Variants in FLRT2 observed in about 807,000 individuals in gnomAD.
The protein encoded by FLRT2 is leucine-rich repeat transmembrane protein FLRT2.
Under a neutral mutation model 40.0 loss-of-function variants are expected in FLRT2, and 15 were observed. The ratio of observed to expected loss-of-function variants is 0.38; its 90% confidence interval spans 0.25 to 0.58. The LOEUF (loss-of-function observed/expected upper bound fraction) is 0.58, where lower values mean the gene tolerates loss of function less well. FLRT2 is among the 20% of genes least tolerant of loss of function. FLRT2 has a pLI of 0.71. For missense variants in FLRT2, 726 were observed against 840.0 expected (o/e 0.86, Z 1.68); for synonymous variants, 380 against 336.8 (o/e 1.13, Z -1.41).
At chr14:85,601,166 T>C (rs933992688) in intron 1 of FLRT2, among the ~76,000 whole-genome samples, 4 of 151,964 alleles carry the variant, frequency 2.6e-5, no homozygotes, top group Admixed American at 2.6e-4. Context: ...TGAAGTGCTG[T>C]AGGTAGTGTA....
At chr14:85,584,423 T>C (rs1381374159) in intron 1 of FLRT2, among the ~76,000 whole-genome samples, 2 of 152,216 alleles carry the variant, frequency 1.3e-5, no homozygotes, top group Non-Finnish European at 2.9e-5. Flanking sequence ...TTATGCTGTG[T>C]CTTAATTCTG....
In FLRT2 at chr14:85,623,144, G is replaced by T. The variant is rs377432349; in HGVS notation, c.1630G>T (p.Ala544Ser). The stretch of plus-strand genomic sequence containing the variant: ...CAGCATGGGCTCCCCCTTTCTGCTG[G>T]CGGGCTTGATCGGGGGCGCGGTGAT... ...SHSMGSPFLLAGLIGGAVIFV... is the reference protein window; with the variant it reads ...SHSMGSPFLLSGLIGGAVIFV... The change falls in exon 2 of 2, where the codon GCG becomes TCG. Residue 544 changes from alanine (A) to serine (S), a missense_variant. By Grantham distance (99) the Ala-to-Ser change is moderately conservative. Around this residue, in one of 3 missense-constraint regions of FLRT2, gnomAD observed 611 missense variants for 690.0 expected, o/e 0.89. Coordinates refer to ENST00000330753, the MANE Select transcript of FLRT2 (RefSeq NM_013231.6). 5 of 1,598,480 alleles carry T rather than the reference G, an allele frequency of 3.1e-6. No homozygotes were observed. In the African/African-American group the frequency reaches 5.4e-5, roughly 17 times the overall value.
intron 1 of FLRT2, among the ~76,000 whole-genome samples, chr14:85,558,133 C>T (rs1370593834): frequency 6.6e-6 from 1 of 152,088 alleles, no homozygotes; most frequent in Non-Finnish European, 1.5e-5. Context: ...TGAAGCCCTC[C>T]ATGTATTCTG....
At chr14:85,586,725 T>G (rs1004647998) in intron 1 of FLRT2, among the ~76,000 whole-genome samples, 1 of 152,012 alleles carries the variant, frequency 6.6e-6, no homozygotes, top group Non-Finnish European at 1.5e-5. Context: ...TATCTCAAAG[T>G]AAAAAGGAAA....
At chr14:85,554,159 A>G (rs1889811095) in intron 1 of FLRT2, among the ~76,000 whole-genome samples, 2 of 152,334 alleles carry the variant, frequency 1.3e-5, no homozygotes, top group South Asian at 4.1e-4. Context: ...ACCCGTATTT[A>G]AGTTAAAAAA....
Position 85,631,112 on chromosome 14 carries a change from T to TATATATATATATATATATATATATATA in FLRT2, c.*7615_*7616insATATATATATATATATATATATATATA, listed in dbSNP as rs1893858889. 2.8e-3 allele frequency: 260 copies of TATATATATATATATATATATATATATA among 91,796 alleles called. 3 individuals are homozygous for TATATATATATATATATATATATATATA. Among genetic ancestry groups the TATATATATATATATATATATATATATA allele is most frequent in the Non-Finnish European group, 4.2e-3 (224 of 52,962 alleles). 5.7% of individuals were successfully genotyped at this position (91,796 alleles called of 1,614,324 possible). On this transcript the variant is annotated 3_prime_UTR_variant, in exon 2 of 2. Transcript: ENST00000330753. ...TATAATTACATATATAATCTAGATT[T>TATATATATATATATATATATATATATA]TATATATATATATATATGAAATGAG...
chr14:85,599,944 A>AGT (rs1388580917), intron 1 of FLRT2, among the ~76,000 whole-genome samples: 3 of 151,784 alleles, frequency 2.0e-5, no homozygotes, highest in Non-Finnish European at 4.4e-5. Context: ...TAGAAATAAA[A>AGT]GTTGTTAATA....
chr14:85,588,961 T>A (rs999980842), intron 1 of FLRT2, among the ~76,000 whole-genome samples: 4 of 152,222 alleles, frequency 2.6e-5, no homozygotes, highest in Admixed American at 2.0e-4. Flanking sequence ...TCATTCTTTT[T>A]TGTGGCTGAA....
chr14:85,578,959 G>C (rs1891261484), intron 1 of FLRT2, among the ~76,000 whole-genome samples: 1 of 152,200 alleles, frequency 6.6e-6, no homozygotes, highest in Non-Finnish European at 1.5e-5. Context: ...ATCTCTCCCA[G>C]TTGGAGTCTC....
rs1244527332 is a variant in FLRT2, at chr14:85,639,881, C to T, written c.*16384C>T. 2.3e-5 allele frequency: 3 copies of T among 131,674 alleles called. No individual in the cohort carries two copies. Among genetic ancestry groups the T allele is most frequent in the Admixed American group, 8.6e-5 (1 of 11,568 alleles). 8.2% of individuals were successfully genotyped at this position (131,674 alleles called of 1,614,324 possible). On this transcript the variant is annotated 3_prime_UTR_variant, in exon 2 of 2. Coordinates refer to ENST00000330753, the MANE Select transcript of FLRT2 (RefSeq NM_013231.6). ...TTTTTTTTTTTGAGACAGTGTCTCGCTCTGTCCCCCAGGCCAGAGTGCAGC... is the reference window on the plus strand; with the variant it reads ...TTTTTTTTTTTGAGACAGTGTCTCGTTCTGTCCCCCAGGCCAGAGTGCAGC...
In FLRT2 at chr14:85,551,167, C is replaced by T. The variant is rs575804111; in HGVS notation, c.-377+20633C>T. On this transcript the variant is annotated intron_variant, in intron 1 of 1. Transcript: ENST00000330753. Reference sequence around the variant, plus strand: ...AGCTTAGAAGTGATTCTGATTCCACCTGTTTACCAGAACTCCTAAAGAGAA... The same window carrying T: ...AGCTTAGAAGTGATTCTGATTCCACTTGTTTACCAGAACTCCTAAAGAGAA... 5.3e-4 allele frequency among the ~76,000 whole-genome samples: 81 copies of T among 152,266 alleles called. 1 individual carries two copies. Among genetic ancestry groups the T allele is most frequent in the Non-Finnish European group, 8.7e-4 (59 of 68,020 alleles).
At chr14:85,579,115 C>A (rs1180647687) in intron 1 of FLRT2, among the ~76,000 whole-genome samples, 1 of 152,120 alleles carries the variant, frequency 6.6e-6, no homozygotes, top group Non-Finnish European at 1.5e-5. Context: ...TTTCTGCCAG[C>A]CCTGTTGGAC....
At chr14:85,612,553 G>A (rs1892936303) in intron 1 of FLRT2, among the ~76,000 whole-genome samples, 1 of 152,110 alleles carries the variant, frequency 6.6e-6, no homozygotes, top group Non-Finnish European at 1.5e-5. Context: ...CTTGGGGTGG[G>A]TTGGGGGGAA....
rs1894070946 is a variant in FLRT2 at position 85,638,698 on chromosome 14, T to C, written c.*15201T>C. 2.0e-5 allele frequency: 3 copies of C among 152,194 alleles called. No homozygotes were observed. The South Asian group carries it at 6.2e-4, about 32-fold the overall frequency. 9.4% of individuals were successfully genotyped at this position (152,194 alleles called of 1,614,324 possible). On this transcript the variant is annotated 3_prime_UTR_variant, in exon 2 of 2. Coordinates refer to ENST00000330753, the MANE Select transcript of FLRT2 (RefSeq NM_013231.6). Reference sequence around the variant, plus strand: ...GGGCCCAAGGGATTTCTTTACTTATTGAGCAGAGCGAAGTAACATTAATTT... The same window carrying C: ...GGGCCCAAGGGATTTCTTTACTTATCGAGCAGAGCGAAGTAACATTAATTT...
At position 85,649,691 on chromosome 14, in the gene FLRT2, A is replaced by G. The variant is rs944152702; in HGVS notation, c.*26194A>G. 17 of 152,216 alleles carry G rather than the reference A, an allele frequency of 1.1e-4. No individual in the cohort carries two copies. Among genetic ancestry groups the G allele is most frequent in the African/African-American group, 3.9e-4 (16 of 41,558 alleles). 9.4% of individuals were successfully genotyped at this position (152,216 alleles called of 1,614,324 possible). A position where few individuals can be genotyped will look rare whatever the true frequency, so the allele number is the denominator to read the frequency against. On this transcript the variant is annotated 3_prime_UTR_variant, in exon 2 of 2. Transcript: ENST00000330753. ...TGTGATACTATCCACACTTTTCCTC[A>G]CTATAAAATTTAATGAACCTTATAT... is the stretch of plus-strand genomic sequence containing the variant.
In FLRT2 at chr14:85,629,752, T is replaced by A. The variant is rs1359848321; in HGVS notation, c.*6255T>A. ...CTTCAGATTTTTCATGATGGAGCTA[T>A]CATAACTTCTCAGTGGATACATATA... On this transcript the variant is annotated 3_prime_UTR_variant, in exon 2 of 2. Transcript: ENST00000330753. 6.6e-5 allele frequency: 10 copies of A among 152,204 alleles called. No individual in the cohort carries two copies. The highest frequency in any genetic ancestry group is 2.4e-4 in the African/African-American group (10 of 41,446). The allele number at this position is 152,204 out of a possible 1,614,324, so 9.4% of individuals were successfully genotyped here.
intron 1 of FLRT2, among the ~76,000 whole-genome samples, chr14:85,576,274 T>A (rs1331856225): frequency 6.6e-6 from 1 of 152,222 alleles, no homozygotes; most frequent in Non-Finnish European, 1.5e-5. Flanking sequence ...TACTTTTTTT[T>A]GTTTTTCTTT....
In FLRT2 at chr14:85,538,117, T is replaced by C. The variant is rs138243748; in HGVS notation, c.-377+7583T>C. The stretch of plus-strand genomic sequence containing the variant: ...AGTGAATTGGAACTCCGTTATTTAT[T>C]TATTTTTCAAATACCACCTCTAACT... On this transcript the variant is annotated intron_variant, in intron 1 of 1. Transcript: ENST00000330753. Among the ~76,000 whole-genome samples, 314 of 152,282 alleles carry C rather than the reference T, an allele frequency of 2.1e-3. 1 individual carries two copies. The highest frequency in any genetic ancestry group is 7.3e-3 in the African/African-American group (303 of 41,560).
At chr14:85,599,042 C>T (rs1261990534) in intron 1 of FLRT2, among the ~76,000 whole-genome samples, 2 of 151,536 alleles carry the variant, frequency 1.3e-5, no homozygotes, top group Non-Finnish European at 1.5e-5. Flanking sequence ...CTCAGCCTCC[C>T]GAGTAGCTGG....
Sources: gnomAD v4.1 joint callset for allele counts (sites outside exome capture counted in the v4.1 genomes callset) on GRCh38, gnomAD v4.1.1 for gene constraint, gnomAD v4.1.1 regional missense constraint, MANE v1.5 for transcripts, NCBI Gene and HGNC (gene_info 2026-07-23, HGNC 2026-07-21) for gene names.